CCSER1: variants seen among roughly 807,000 people sequenced by gnomAD.
CCSER1 encodes the protein serine-rich coiled-coil domain-containing protein 1.
A neutral mutation model predicts 82.0 loss-of-function variants in CCSER1; 41 were observed. That is an observed-to-expected ratio of 0.50 (90% confidence interval 0.39 to 0.65). CCSER1 has a LOEUF of 0.65. Among genes scored for constraint, CCSER1 ranks in the 30% least tolerant of loss-of-function variants. The probability of loss-of-function intolerance (pLI) is 0.00; values close to 1 mark genes in which losing one functional copy is unlikely to be tolerated. For missense variants in CCSER1, 1,119 were observed against 1,064.2 expected (o/e 1.05, Z -0.72); for synonymous variants, 414 against 383.9 (o/e 1.08, Z -0.92).
intron 1 of CCSER1, among the ~76,000 whole-genome samples, chr4:90,152,868 GT>G (rs1269453879): frequency 0.024 from 3,460 of 143,674 alleles, 120 homozygotes; most frequent in African/African-American, 0.079. Context: ...TCAGTGCTAG[GT>G]TTTTTTTTTT....
chr4:90,693,100 A>G (rs1391838114), intron 6 of CCSER1, among the ~76,000 whole-genome samples: 2 of 151,944 alleles, frequency 1.3e-5, no homozygotes, highest in Non-Finnish European at 2.9e-5. Context: ...TGGACTCACT[A>G]AATCTTACTC....
intron 5 of CCSER1, among the ~76,000 whole-genome samples, chr4:90,531,030 A>T (rs1046907109): frequency 4.6e-5 from 7 of 152,194 alleles, no homozygotes; most frequent in African/African-American, 7.2e-5. Flanking sequence ...TTAATTAGTA[A>T]TTGGCTGACA....
chr4:91,160,453 T>C (rs1385553177), intron 10 of CCSER1, among the ~76,000 whole-genome samples: 1 of 152,202 alleles, frequency 6.6e-6, no homozygotes, highest in African/African-American at 2.4e-5. Flanking sequence ...TAGTTCTAGA[T>C]CATTGAGGAA....
chr4:91,374,776 T>A (rs1268462237), intron 10 of CCSER1, among the ~76,000 whole-genome samples: 3 of 152,100 alleles, frequency 2.0e-5, no homozygotes, highest in African/African-American at 7.2e-5. Context: ...TGGGTGAATC[T>A]CTTGAGGTCA....
intron 9 of CCSER1, among the ~76,000 whole-genome samples, chr4:91,035,215 T>C (rs1168511028): frequency 1.3e-5 from 2 of 151,086 alleles, no homozygotes; most frequent in African/African-American, 4.9e-5. Context: ...AAAAGATTAG[T>C]ATTAAACATT....
intron 7 of CCSER1, among the ~76,000 whole-genome samples, chr4:90,743,423 G>A (rs1746884864): frequency 6.6e-6 from 1 of 152,164 alleles, no homozygotes; most frequent in South Asian, 2.1e-4. Context: ...ATTATTAGCA[G>A]TCGGTTTATG....
At chr4:90,305,854 T>C (rs1191775198) in intron 1 of CCSER1, among the ~76,000 whole-genome samples, 1 of 152,222 alleles carries the variant, frequency 6.6e-6, no homozygotes, top group Admixed American at 6.5e-5. Flanking sequence ...TTGAAATCAG[T>C]ATGTCAAAGA....
chr4:90,834,600 T>C (rs1299212455), intron 8 of CCSER1, among the ~76,000 whole-genome samples: 2 of 152,228 alleles, frequency 1.3e-5, no homozygotes, highest in South Asian at 2.1e-4. Context: ...TTAAATCTTA[T>C]AGTATCAAAT....
chr4:90,923,842 C>T (rs1728723837), intron 9 of CCSER1, among the ~76,000 whole-genome samples: 1 of 152,122 alleles, frequency 6.6e-6, no homozygotes, highest in Non-Finnish European at 1.5e-5. Context: ...TATGCAGACA[C>T]TTAAAGGCAA....
intron 6 of CCSER1, among the ~76,000 whole-genome samples, chr4:90,644,779 C>T (rs542794292): frequency 6.6e-6 from 1 of 152,012 alleles, no homozygotes; most frequent in East Asian, 1.9e-4. Flanking sequence ...CCATCTATGT[C>T]CCTTCAAAGG....
At chr4:90,775,049 C>T (rs1045661859) in intron 7 of CCSER1, among the ~76,000 whole-genome samples, 6 of 152,078 alleles carry the variant, frequency 3.9e-5, no homozygotes, top group Non-Finnish European at 5.9e-5. Flanking sequence ...TGACAAGATC[C>T]TTTTCTATTT....
intron 10 of CCSER1, among the ~76,000 whole-genome samples, chr4:91,329,579 GCAGATCAAGGTGCCAC>G (rs557277447): frequency 4.1e-4 from 62 of 152,274 alleles, no homozygotes; most frequent in African/African-American, 1.5e-3. Context: ...CAAGGTGCTA[GCAGATCAAGGTGCCAC>G]CAGTGTCTGG....
chr4:91,081,126 T>A (rs1396931215), intron 9 of CCSER1, among the ~76,000 whole-genome samples: 1 of 152,138 alleles, frequency 6.6e-6, no homozygotes, highest in Non-Finnish European at 1.5e-5. Flanking sequence ...TTTAGACCAA[T>A]ATCCCTCATG....
intron 1 of CCSER1, among the ~76,000 whole-genome samples, chr4:90,204,289 T>C (rs1738352147): frequency 6.6e-6 from 1 of 151,750 alleles, no homozygotes; most frequent in South Asian, 2.1e-4. Flanking sequence ...TGAATGGTAT[T>C]GCCTAGGTTA....
At chr4:91,424,058 G>A (rs1391837308) in intron 10 of CCSER1, among the ~76,000 whole-genome samples, 3 of 125,438 alleles carry the variant, frequency 2.4e-5, no homozygotes, top group South Asian at 2.8e-4. Context: ...CGCCCAGGCC[G>A]GACTGCGGAC....
rs907694962 is a variant in CCSER1 at position 90,172,754 on chromosome 4, C to G, written c.-42+44923C>G. Among the ~76,000 whole-genome samples the G allele has an allele frequency of 7.2e-5, 11 of 151,764 alleles. No individual in the cohort carries two copies. The Admixed American group carries it at 7.2e-4, about 10-fold the overall frequency. ...AAAATGAGACAATATTGCATGCAAC[C>G]TTGAAAGTCATGCGTACTAGCTACG... On this transcript the variant is annotated intron_variant, in intron 1 of 10. Transcript: ENST00000509176.
intron 10 of CCSER1, among the ~76,000 whole-genome samples, chr4:91,470,505 ATGACACGTATACTTTGTTCT>A (rs1172933793): frequency 6.6e-6 from 1 of 152,122 alleles, no homozygotes; most frequent in Non-Finnish European, 1.5e-5. Flanking sequence ...CAGACTGGGG[ATGACACGTATACTTTGTTCT>A]TTTTTGCTGT....
At chr4:90,143,046 T>C (rs890697412) in intron 1 of CCSER1, among the ~76,000 whole-genome samples, 2 of 152,214 alleles carry the variant, frequency 1.3e-5, no homozygotes, top group African/African-American at 4.8e-5. Flanking sequence ...GTTGGATGTA[T>C]GAAAAGTGAG....
chr4:91,368,942 T>G (rs1164679261), intron 10 of CCSER1, among the ~76,000 whole-genome samples: 2 of 152,204 alleles, frequency 1.3e-5, no homozygotes, highest in African/African-American at 2.4e-5. Context: ...AGGAGACATC[T>G]CAATCCTGCT....
Sources: gnomAD v4.1 joint callset for allele counts (sites outside exome capture counted in the v4.1 genomes callset) on GRCh38, gnomAD v4.1.1 for gene constraint, MANE v1.5 for transcripts, NCBI Gene and HGNC (gene_info 2026-07-23, HGNC 2026-07-21) for gene names.